Variants in DNER observed in about 807,000 individuals in gnomAD.
The protein encoded by DNER is delta/notch like EGF repeat containing.
A neutral mutation model predicts 78.2 loss-of-function variants in DNER; 33 were observed. That is an observed-to-expected ratio of 0.42 (90% CI 0.32 to 0.56). The LOEUF is 0.56. Among genes scored for constraint, DNER ranks in the 20% least tolerant of loss-of-function variants. DNER has a pLI of 0.11. For synonymous variants in DNER, 417 were observed against 384.8 expected (o/e 1.08, Z -0.98); for missense variants, 918 against 975.3 (o/e 0.94, Z 0.78).
rs1380573501 is a variant in DNER, at chr2:229,357,913, A to T, written c.*627T>A. ...ATTTGCCTCGCTAGGCCTTTTCGTT[A>T]CGTATGTTTTTGAGGCCTAGTTCGA... On this transcript the variant is annotated 3_prime_UTR_variant, in exon 13 of 13. Transcript: ENST00000341772. The T allele has an allele frequency of 1.3e-5, 2 of 152,656 alleles. No individual in the cohort carries two copies. The highest frequency in any genetic ancestry group is 4.8e-5 in the African/African-American group (2 of 41,470). The allele number at this position is 152,656 out of a possible 1,614,324, so 9.5% of individuals were successfully genotyped here. A position where few individuals can be genotyped will look rare whatever the true frequency, so the allele number is the denominator to read the frequency against.
At chr2:229,482,643 A>G (rs1475942657) in intron 6 of DNER, among the ~76,000 whole-genome samples, 4 of 152,232 alleles carry the variant, frequency 2.6e-5, no homozygotes, top group African/African-American at 9.6e-5. Context: ...GCAGGATTCA[A>G]CAGAAGCAGT....
At chr2:229,541,797 C>A (rs1266427573) in intron 5 of DNER, among the ~76,000 whole-genome samples, 1 of 150,690 alleles carries the variant, frequency 6.6e-6, no homozygotes, top group Non-Finnish European at 1.5e-5. Context: ...ATTGCACTTG[C>A]CAAGACTCCA....
At chr2:229,475,164 C>G (rs763097090) in intron 7 of DNER, among the ~76,000 whole-genome samples, 1 of 152,194 alleles carries the variant, frequency 6.6e-6, no homozygotes, top group Non-Finnish European at 1.5e-5. Context: ...ACAATCATCA[C>G]CCCATTTTAC....
Position 229,531,633 on chromosome 2 carries a change from C to T in DNER, c.993+15314G>A, listed in dbSNP as rs546232532. On this transcript the variant is annotated intron_variant, in intron 5 of 12. Transcript: ENST00000341772. ...CAAAAAGTAAAACATAGAATTAGCA[C>T]GTGAACCAGCAATTCTACTCCTTAG... is the stretch of plus-strand genomic sequence containing the variant. 6.6e-5 allele frequency among the ~76,000 whole-genome samples: 10 copies of T among 152,286 alleles called. No homozygotes were observed. In the South Asian group the frequency reaches 1.0e-3, roughly 16 times the overall value.
intron 6 of DNER, among the ~76,000 whole-genome samples, chr2:229,482,215 C>T (rs771950650): frequency 6.6e-6 from 1 of 152,216 alleles, no homozygotes; most frequent in Non-Finnish European, 1.5e-5. Flanking sequence ...GTCACAACCA[C>T]ATAATACCTT....
intron 8 of DNER, among the ~76,000 whole-genome samples, chr2:229,436,235 A>T (rs535135388): frequency 6.6e-5 from 10 of 152,138 alleles, no homozygotes; most frequent in Non-Finnish European, 1.5e-4. Flanking sequence ...TTTGCTTAGG[A>T]TAATAGCCTG....
intron 10 of DNER, 113 bp downstream of exon 10, chr2:229,407,119 A>AT (rs113285771): frequency 3.4e-6 from 3 of 886,876 alleles, no homozygotes; most frequent in African/African-American, 3.3e-5. Context: ...ACATTTTGTA[A>AT]TGGTGTTTAT....
intron 1 of DNER, among the ~76,000 whole-genome samples, chr2:229,683,950 G>A (rs1699431126): frequency 1.3e-5 from 2 of 152,216 alleles, no homozygotes; most frequent in African/African-American, 2.4e-5. Context: ...CTCCTGTGCA[G>A]AGCACTGTGT....
chr2:229,374,238 T>C (rs1001478787), intron 11 of DNER, among the ~76,000 whole-genome samples: 4 of 147,750 alleles, frequency 2.7e-5, no homozygotes, highest in Middle Eastern at 3.4e-3. Flanking sequence ...TAGGGACTAC[T>C]AGGGAGTAAG....
chr2:229,591,538 C>T lies in DNER; in HGVS notation c.585+42G>A, dbSNP rs1697606258. On this transcript the variant is annotated intron_variant, in intron 2 of 12. Coordinates refer to ENST00000341772, the MANE Select transcript of DNER (RefSeq NM_139072.4). The surrounding 1 kb of genome is among the most constrained non-coding windows in gnomAD (Gnocchi z 4.6). ...AACCGCTGGAGTCACTTTAAGATTT[C>T]TGGTTTCTAATGTAAAAATGCACAT... 1 of 1,561,912 alleles carries T rather than the reference C, an allele frequency of 6.4e-7. No homozygotes were observed. Among genetic ancestry groups the T allele is most frequent in the Non-Finnish European group, 8.7e-7 (1 of 1,154,060 alleles).
intron 11 of DNER, among the ~76,000 whole-genome samples, chr2:229,387,505 A>AAGAAAGAAAGAG (rs1159502648): frequency 3.4e-5 from 3 of 87,190 alleles, no homozygotes; most frequent in Non-Finnish European, 5.0e-5. Context: ...GAAAGAAAGA[A>AAGAAAGAAAGAG]AGAGAGAAAG....
chr2:229,628,971 A>G (rs1467564027), intron 1 of DNER, among the ~76,000 whole-genome samples: 1 of 151,746 alleles, frequency 6.6e-6, no homozygotes, highest in African/African-American at 2.4e-5. Context: ...ACACCCCCTC[A>G]CCCTGCTCCT....
At chr2:229,365,178 A>T (rs1368462671) in intron 12 of DNER, among the ~76,000 whole-genome samples, 2 of 152,166 alleles carry the variant, frequency 1.3e-5, no homozygotes, top group Non-Finnish European at 2.9e-5. Context: ...GATGAAGGAT[A>T]AAAATCTCAG....
At chr2:229,689,974 C>A (rs780387728) in intron 1 of DNER, among the ~76,000 whole-genome samples, 9 of 152,208 alleles carry the variant, frequency 5.9e-5, no homozygotes, top group Non-Finnish European at 1.3e-4. Context: ...TTCCTACATG[C>A]ATCAACCTTT....
chr2:229,491,552 TC>T (rs1210655297), intron 6 of DNER, among the ~76,000 whole-genome samples: 1 of 152,214 alleles, frequency 6.6e-6, no homozygotes, highest in Non-Finnish European at 1.5e-5. Context: ...CTGCCTGCAA[TC>T]CTATTCCCCT....
chr2:229,434,993 A>G (rs1694091629), intron 8 of DNER, among the ~76,000 whole-genome samples: 1 of 151,694 alleles, frequency 6.6e-6, no homozygotes, highest in Non-Finnish European at 1.5e-5. Flanking sequence ...TTCTTCACAT[A>G]TTTAGGTTTA....
At chr2:229,599,700 T>C (rs1173170989) in intron 1 of DNER, among the ~76,000 whole-genome samples, 1 of 152,170 alleles carries the variant, frequency 6.6e-6, no homozygotes, top group African/African-American at 2.4e-5. Context: ...GGAAGAAATG[T>C]ACAACATACT....
In DNER at chr2:229,703,028, G is replaced by A. The variant is rs371273679; in HGVS notation, c.276+11120C>T. ...TGCCTGGGAGAACTGCATTTCTCTA[G>A]CTCCTCACCTGTGGTATTCTAAAAA... On this transcript the variant is annotated intron_variant, in intron 1 of 12. Coordinates refer to ENST00000341772, the MANE Select transcript of DNER (RefSeq NM_139072.4). Among the ~76,000 whole-genome samples, 250 of 151,740 alleles carry A rather than the reference G, an allele frequency of 1.6e-3. 1 individual carries two copies. The highest frequency in any genetic ancestry group is 5.7e-3 in the African/African-American group (235 of 41,342).
At chr2:229,483,989 G>T (rs1386113369) in intron 6 of DNER, among the ~76,000 whole-genome samples, 1 of 152,108 alleles carries the variant, frequency 6.6e-6, no homozygotes, top group Non-Finnish European at 1.5e-5. Context: ...TACCTACAAT[G>T]ATTTTCTTTA....
Sources: allele counts gnomAD v4.1 joint callset (sites outside exome capture counted in the v4.1 genomes callset), GRCh38; gene constraint gnomAD v4.1.1; non-coding constraint Gnocchi (gnomAD v3.1); transcripts MANE v1.5; gene names NCBI Gene and HGNC (gene_info 2026-07-23, HGNC 2026-07-21).